PXN: variants seen among roughly 807,000 people sequenced by gnomAD.
PXN encodes testicular tissue protein Li 134.
A neutral mutation model predicts 103.6 loss-of-function variants in PXN; 61 were observed. The observed-to-expected ratio is 0.59, with a 90% confidence interval of 0.48 to 0.73. The LOEUF is 0.73. Ranked by LOEUF, PXN falls within the 30% of genes least tolerant of loss-of-function variation. The pLI, the probability that PXN is intolerant of heterozygous loss-of-function variation, is 0.00. For synonymous variants in PXN, 562 were observed against 607.8 expected (o/e 0.92, Z 1.11); for missense variants, 1,274 against 1,460.3 (o/e 0.87, Z 2.08).
Position 120,212,274 on chromosome 12 carries a change from T to A in PXN, c.*40A>T. 1.3e-6 allele frequency: 2 copies of A among 1,595,864 alleles called. No individual in the cohort carries two copies. Among genetic ancestry groups the A allele is most frequent in the South Asian group, 1.1e-5 (1 of 89,512 alleles). On this transcript the variant is annotated 3_prime_UTR_variant, in exon 15 of 15. Transcript: ENST00000637617. This position sits in a 1 kb window ranked among gnomAD's most constrained non-coding sequence, Gnocchi z 7.2. ...TCTAGGTCACAGTCGCAGTTGGGGA[T>A]GCTGGCTGGGGAAGGGGGGCAGAGA...
In PXN at chr12:120,216,242, A is replaced by T. The variant is rs1882951043; in HGVS notation, c.2301+31T>A. On this transcript the variant is annotated intron_variant, in intron 9 of 14. Coordinates refer to ENST00000637617, the MANE Select transcript of PXN (RefSeq NM_001385981.1). The surrounding 1 kb of genome is among the most constrained non-coding windows in gnomAD (Gnocchi z 5.1). ...GATGGCTCAGGCATTAGGACAGGGG[A>T]CAGAAAGGGAGGGGCTCCTTTAAGG... is the stretch of plus-strand genomic sequence containing the variant. The T allele has an allele frequency of 7.9e-7, 1 of 1,272,294 alleles. No homozygotes were observed. The highest frequency in any genetic ancestry group is 3.2e-5 in the South Asian group (1 of 31,552). The allele number at this position is 1,272,294 out of a possible 1,614,324, so 78.8% of individuals were successfully genotyped here. A position where few individuals can be genotyped will look rare whatever the true frequency, so the allele number is the denominator to read the frequency against.
intron 1 of PXN, among the ~76,000 whole-genome samples, chr12:120,251,748 C>A (rs766920055): frequency 1.3e-5 from 2 of 151,960 alleles, no homozygotes; most frequent in African/African-American, 2.4e-5. Flanking sequence ...ACCCGGGAGG[C>A]AGAGACTGCA....
In PXN at chr12:120,212,185, G is replaced by A. The variant is rs1176667736; in HGVS notation, c.*129C>T. On this transcript the variant is annotated 3_prime_UTR_variant, in exon 15 of 15. Transcript: ENST00000637617. This position sits in a 1 kb window ranked among gnomAD's most constrained non-coding sequence, Gnocchi z 7.2. ...CCCCTCACGGCCCTCTGTCCATCCC[G>A]CACCAGCGGAGGACAAGGGTTCCAG... 26 of 1,350,704 alleles carry A rather than the reference G, an allele frequency of 1.9e-5. No homozygotes were observed. The highest frequency in any genetic ancestry group is 4.0e-5 in the South Asian group (3 of 75,786). The allele number at this position is 1,350,704 out of a possible 1,614,324, so 83.7% of individuals were successfully genotyped here. A position where few individuals can be genotyped will look rare whatever the true frequency, so the allele number is the denominator to read the frequency against.
At chr12:120,252,093 G>A (rs1365760264) in intron 1 of PXN, among the ~76,000 whole-genome samples, 1 of 152,126 alleles carries the variant, frequency 6.6e-6, no homozygotes, top group Non-Finnish European at 1.5e-5. Context: ...GTCAGAGGCT[G>A]GGTTCTATGC....
At chr12:120,235,145 G>A (rs1319839101) in intron 1 of PXN, among the ~76,000 whole-genome samples, 3 of 152,082 alleles carry the variant, frequency 2.0e-5, no homozygotes, top group African/African-American at 7.2e-5. Flanking sequence ...GGAAGTCACA[G>A]CTGTCTGAGA....
intron 1 of PXN, among the ~76,000 whole-genome samples, chr12:120,231,277 C>T (rs895498187): frequency 1.3e-5 from 2 of 152,172 alleles, no homozygotes; most frequent in East Asian, 1.9e-4. Flanking sequence ...TGAGCTCTTC[C>T]GAGTTAGTCT....
intron 1 of PXN, among the ~76,000 whole-genome samples, chr12:120,252,242 C>G (rs1027992439): frequency 1.3e-5 from 2 of 152,064 alleles, no homozygotes; most frequent in Non-Finnish European, 2.9e-5. Context: ...ATTAAGTGAC[C>G]GCAGAGAGAA....
At chr12:120,243,326 A>T (rs1890484552) in intron 1 of PXN, among the ~76,000 whole-genome samples, 2 of 152,224 alleles carry the variant, frequency 1.3e-5, no homozygotes, top group Non-Finnish European at 2.9e-5. Context: ...CCAAAATCTT[A>T]TTACAGAATG....
chr12:120,250,545 A>G (rs766474122), intron 1 of PXN, among the ~76,000 whole-genome samples: 1 of 152,194 alleles, frequency 6.6e-6, no homozygotes, highest in Non-Finnish European at 1.5e-5. Flanking sequence ...TCCCTGTGGC[A>G]GCTCTCACTA....
At chr12:120,238,217 T>G (rs1010083866) in intron 1 of PXN, among the ~76,000 whole-genome samples, 1 of 152,098 alleles carries the variant, frequency 6.6e-6, no homozygotes, top group Non-Finnish European at 1.5e-5. Flanking sequence ...CTAGTGGAGT[T>G]CACGTGTAGG....
chr12:120,259,873 G>A (rs1224779451), intron 1 of PXN, among the ~76,000 whole-genome samples: 1 of 152,210 alleles, frequency 6.6e-6, no homozygotes, highest in Non-Finnish European at 1.5e-5. Context: ...TCAGCTTCCT[G>A]ATTCTCTCTT....
intron 1 of PXN, among the ~76,000 whole-genome samples, chr12:120,236,430 C>T (rs1889057542): frequency 6.6e-6 from 1 of 151,734 alleles, no homozygotes; most frequent in Admixed American, 6.6e-5. Flanking sequence ...ACCTCAGCCT[C>T]ATGAATAGCT....
chr12:120,222,655 G>A lies in PXN; in HGVS notation c.589C>T (p.Leu197=). Residue 197 remains leucine, a synonymous_variant, in exon 5 of 15, where the codon CTG becomes TTG. Coordinates refer to ENST00000637617, the MANE Select transcript of PXN (RefSeq NM_001385981.1). The surrounding 1 kb of genome is among the most constrained non-coding windows in gnomAD (Gnocchi z 4.7). ...NSPLGGKAGP[L]TKEKPKRNGG... is the part of the protein sequence containing the mutation. ...TTCCGCTTAGGCTTCTCTTTCGTCA[G>A]GGGCCCAGCTTTGCCTCCCAAGGGG... is the stretch of plus-strand genomic sequence containing the variant. 1.2e-6 allele frequency: 2 copies of A among 1,608,830 alleles called. No individual in the cohort carries two copies. The highest frequency in any genetic ancestry group is 1.1e-5 in the South Asian group (1 of 89,814).
In PXN at chr12:120,215,086, C is replaced by T. The variant is rs781616643; in HGVS notation, c.2574+17G>A. ...AGGAGTCCACTGGCCACACCCCTGC[C>T]CACTCCCCCTCATCACCTGCCCGGC... On this transcript the variant is annotated intron_variant, in intron 11 of 14. Transcript: ENST00000637617. This position sits in a 1 kb window ranked among gnomAD's most constrained non-coding sequence, Gnocchi z 4.9. The T allele has an allele frequency of 1.8e-5, 28 of 1,589,174 alleles. No individual in the cohort carries two copies. Among genetic ancestry groups the T allele is most frequent in the Non-Finnish European group, 2.3e-5 (27 of 1,165,894 alleles).
intron 1 of PXN, among the ~76,000 whole-genome samples, chr12:120,245,154 C>A (rs1438274515): frequency 6.6e-6 from 1 of 152,054 alleles, no homozygotes; most frequent in East Asian, 1.9e-4. Flanking sequence ...CCCTGCAGAT[C>A]TGGTCACACC....
chr12:120,238,120 G>A (rs1174359760), intron 1 of PXN, among the ~76,000 whole-genome samples: 3 of 152,178 alleles, frequency 2.0e-5, no homozygotes, highest in South Asian at 2.1e-4. Context: ...GCAGAGTCAC[G>A]CTGGGAAACC....
rs1450810270 is a variant in PXN, at chr12:120,220,009, G to T, written c.914C>A (p.Pro305His). 1.3e-6 allele frequency: 2 copies of T among 1,565,832 alleles called. No homozygotes were observed. The highest frequency in any genetic ancestry group is 2.2e-5 in the South Asian group (2 of 89,290). ...PSSYCSLPPS[P>H]PPMPSVFLPP... is the part of the protein sequence containing the mutation. ...CAGAAATACAGATGGCATGGGAGGA[G>T]GAGAAGGAGGAAGGGAGCAGTATGA... The change falls in exon 7 of 15, where the codon CCT becomes CAT. Residue 305 changes from proline to histidine, a missense_variant. By Grantham distance (77) the Pro-to-His change is moderately conservative. Transcript: ENST00000637617. This position sits in a 1 kb window ranked among gnomAD's most constrained non-coding sequence, Gnocchi z 6.1.
In PXN at chr12:120,216,691, AGT is replaced by A; in HGVS notation, c.1993-112_1993-111del. 6.3e-7 allele frequency: 1 copy of A among 1,591,922 alleles called. No homozygotes were observed. The highest frequency in any genetic ancestry group is 8.5e-7 in the Non-Finnish European group (1 of 1,177,786). ...CTGGGCCTTCCCACTCTGCACCAAGAGTGGGGCCAGTCTTCCAAAGTCACAGG... is the reference window on the plus strand; with the variant it reads ...CTGGGCCTTCCCACTCTGCACCAAGAGGGGCCAGTCTTCCAAAGTCACAGG... On this transcript the variant is annotated intron_variant, in intron 8 of 14. Coordinates refer to ENST00000637617, the MANE Select transcript of PXN (RefSeq NM_001385981.1). The surrounding 1 kb of genome is among the most constrained non-coding windows in gnomAD (Gnocchi z 5.1).
rs1444961457 is a variant in PXN, at chr12:120,241,763, C to T, written c.14-17386G>A. Among the ~76,000 whole-genome samples, 4 of 152,236 alleles carry T rather than the reference C, an allele frequency of 2.6e-5. No homozygotes were observed. In the East Asian group the frequency reaches 5.8e-4, roughly 22 times the overall value. On this transcript the variant is annotated intron_variant, in intron 1 of 14. Transcript: ENST00000637617. ...GCTTGATGGAAGAGGAGTCAAGGGC[C>T]GAGGGCCCACTGGGGAGTCTGGACT...
Sources: allele counts gnomAD v4.1 joint callset (sites outside exome capture counted in the v4.1 genomes callset), GRCh38; gene constraint gnomAD v4.1.1; non-coding constraint Gnocchi (gnomAD v3.1); transcripts MANE v1.5; gene names NCBI Gene and HGNC (gene_info 2026-07-23, HGNC 2026-07-21).